Variants in PIEZO2 observed in about 807,000 individuals in gnomAD.
PIEZO2 encodes piezo type mechanosensitive ion channel component 2, also known as piezo-type mechanosensitive ion channel component 2.
A neutral mutation model predicts 337.3 loss-of-function variants in PIEZO2; 172 were observed. That is an observed-to-expected ratio of 0.51 (90% confidence interval 0.45 to 0.58). The LOEUF (loss-of-function observed/expected upper bound fraction) is 0.58, where lower values mean the gene tolerates loss of function less well. PIEZO2 is among the 20% of genes least tolerant of loss of function. The pLI is 0.00. For synonymous variants in PIEZO2, 1,251 were observed against 1,228.5 expected (o/e 1.02, Z -0.38); for missense variants, 3,028 against 3,391.3 (o/e 0.89, Z 2.66).
intron 30 of PIEZO2, among the ~76,000 whole-genome samples, chr18:10,747,722 A>G (rs538974442): frequency 6.6e-6 from 1 of 152,242 alleles, no homozygotes; most frequent in East Asian, 1.9e-4. Context: ...CATTGTGTTT[A>G]TCATGGCAGG....
rs990820516 is a variant in PIEZO2 at position 11,116,471 on chromosome 18, T to C, written c.64+32054A>G. Among the ~76,000 whole-genome samples the C allele has an allele frequency of 1.3e-5, 2 of 152,010 alleles. No homozygotes were observed. Among genetic ancestry groups the C allele is most frequent in the Non-Finnish European group, 2.9e-5 (2 of 67,994 alleles). Reference sequence around the variant, plus strand: ...GCTCACGCCTGTAAACCCAGCACTTTGGGAGGCCGAGCTGGGCGGATCACG... The same window carrying C: ...GCTCACGCCTGTAAACCCAGCACTTCGGGAGGCCGAGCTGGGCGGATCACG... On this transcript the variant is annotated intron_variant, in intron 1 of 55. Coordinates refer to ENST00000674853, the MANE Select transcript of PIEZO2 (RefSeq NM_001378183.1). This position sits in a 1 kb window ranked among gnomAD's most constrained non-coding sequence, Gnocchi z 5.0.
At chr18:10,836,281 C>A (rs1164817687) in intron 7 of PIEZO2, among the ~76,000 whole-genome samples, 2 of 152,172 alleles carry the variant, frequency 1.3e-5, no homozygotes, top group Non-Finnish European at 2.9e-5. Flanking sequence ...TCTAAGCAAA[C>A]AATCCCATCC....
chr18:11,027,712 G>GT lies in PIEZO2; in HGVS notation c.160+38414dup, dbSNP rs2036585231. 6.6e-6 allele frequency among the ~76,000 whole-genome samples: 1 copy of GT among 152,130 alleles called. No homozygotes were observed. The highest frequency in any genetic ancestry group is 1.5e-5 in the Non-Finnish European group (1 of 68,032). Reference sequence around the variant, plus strand: ...TCACAATTATGTTGTACAAATAAATGTAAAAATCATTAGCATTAACTGAAA... The same window carrying GT: ...TCACAATTATGTTGTACAAATAAATGTTAAAAATCATTAGCATTAACTGAAA... On this transcript the variant is annotated intron_variant, in intron 2 of 55. Coordinates refer to ENST00000674853, the MANE Select transcript of PIEZO2 (RefSeq NM_001378183.1). The surrounding 1 kb of genome is among the most constrained non-coding windows in gnomAD (Gnocchi z 4.2).
intron 1 of PIEZO2, among the ~76,000 whole-genome samples, chr18:11,093,806 A>G (rs1465098558): frequency 1.3e-5 from 2 of 152,126 alleles, no homozygotes; most frequent in African/African-American, 4.8e-5. Flanking sequence ...TCAGTGGGCT[A>G]AATCATGAAG....
intron 36 of PIEZO2, among the ~76,000 whole-genome samples, chr18:10,723,279 T>G (rs1424119040): frequency 1.3e-5 from 2 of 152,108 alleles, no homozygotes; most frequent in East Asian, 3.9e-4. Context: ...CAGGAGGCAG[T>G]GATTAACTGT....
In PIEZO2 at chr18:10,945,302, C is replaced by T. The variant is rs1361300250; in HGVS notation, c.287-34074G>A. Among the ~76,000 whole-genome samples the T allele has an allele frequency of 6.6e-6, 1 of 152,178 alleles. No homozygotes were observed. Among genetic ancestry groups the T allele is most frequent in the Non-Finnish European group, 1.5e-5 (1 of 68,034 alleles). The stretch of plus-strand genomic sequence containing the variant: ...TCAGGGGATCCTCCCACCTCAGCTT[C>T]CCAAAGTGCTGGGATTACAGATGTG... On this transcript the variant is annotated intron_variant, in intron 3 of 55. Coordinates refer to ENST00000674853, the MANE Select transcript of PIEZO2 (RefSeq NM_001378183.1). This position sits in a 1 kb window ranked among gnomAD's most constrained non-coding sequence, Gnocchi z 4.0.
At chr18:10,981,314 A>G (rs1207252729) in intron 2 of PIEZO2, among the ~76,000 whole-genome samples, 1 of 152,170 alleles carries the variant, frequency 6.6e-6, no homozygotes, top group East Asian at 1.9e-4. Context: ...CACATAATAG[A>G]TATGAAATCC....
In PIEZO2 at chr18:11,116,707, T is replaced by C. The variant is rs1236341388; in HGVS notation, c.64+31818A>G. ...TCCAGCCTGGGCGACAGAACGAGAC[T>C]CCGTCTCAAAAAAAACAAAGAAAAA... On this transcript the variant is annotated intron_variant, in intron 1 of 55. Coordinates refer to ENST00000674853, the MANE Select transcript of PIEZO2 (RefSeq NM_001378183.1). The surrounding 1 kb of genome is among the most constrained non-coding windows in gnomAD (Gnocchi z 5.0). Among the ~76,000 whole-genome samples the C allele has an allele frequency of 1.3e-5, 2 of 150,652 alleles. No homozygotes were observed. The highest frequency in any genetic ancestry group is 2.9e-5 in the Non-Finnish European group (2 of 67,864).
At chr18:10,909,763 G>A (rs750415006) in intron 4 of PIEZO2, among the ~76,000 whole-genome samples, 35 of 152,256 alleles carry the variant, frequency 2.3e-4, no homozygotes, top group Middle Eastern at 3.4e-3. Flanking sequence ...AGGGAAAGAC[G>A]CTTTAGAAAA....
chr18:10,969,732 A>T lies in PIEZO2; in HGVS notation c.286+9803T>A, dbSNP rs897739617. Among the ~76,000 whole-genome samples the T allele has an allele frequency of 6.6e-6, 1 of 152,020 alleles. No homozygotes were observed. Among genetic ancestry groups the T allele is most frequent in the Admixed American group, 6.5e-5 (1 of 15,272 alleles). ...TATCTGAGCAGGATTTGGGGTATGC[A>T]CCTGTAGGAGAGGAGTGAGGGGACA... On this transcript the variant is annotated intron_variant, in intron 3 of 55. Coordinates refer to ENST00000674853, the MANE Select transcript of PIEZO2 (RefSeq NM_001378183.1). This position sits in a 1 kb window ranked among gnomAD's most constrained non-coding sequence, Gnocchi z 4.5.
chr18:10,857,141 AC>A lies in PIEZO2; in HGVS notation c.562del (p.Val188LeufsTer11). On this transcript the variant is annotated frameshift_variant, in exon 6 of 56. Transcript: ENST00000674853. LOFTEE classifies it high-confidence loss of function. ...CGTGCTTTCTTCCAACTCGCCTTCAACACCATCTCCTCCATTGAAATCCTCT... is the reference window on the plus strand; with the variant it reads ...CGTGCTTTCTTCCAACTCGCCTTCAAACCATCTCCTCCATTGAAATCCTCT... Reference protein sequence around the residue: ...YEEDFNGGDGVEGELEESTKL... With the variant: ...YEEDFNGGDGXEGELEESTKL... 1 of 1,537,856 alleles carries A rather than the reference AC, an allele frequency of 6.5e-7. No homozygotes were observed. Among genetic ancestry groups the A allele is most frequent in the Non-Finnish European group, 8.7e-7 (1 of 1,147,046 alleles).
At chr18:10,811,903 C>G (rs4530202) in intron 7 of PIEZO2, among the ~76,000 whole-genome samples, 152,327 of 152,338 alleles carry the variant, frequency 1, 76,158 homozygotes, top group Middle Eastern at 1. Flanking sequence ...GTGCGATCTC[C>G]GCTCACTGCG....
chr18:10,712,263 C>T (rs1390003604), intron 39 of PIEZO2, among the ~76,000 whole-genome samples: 1 of 152,230 alleles, frequency 6.6e-6, no homozygotes, highest in Non-Finnish European at 1.5e-5. Flanking sequence ...CTTTCACAGA[C>T]TTGCCCATGC....
intron 3 of PIEZO2, among the ~76,000 whole-genome samples, chr18:10,915,245 G>C (rs1214842526): frequency 7.3e-6 from 1 of 136,084 alleles, no homozygotes; most frequent in African/African-American, 2.8e-5. Flanking sequence ...AATGGGTCAC[G>C]TGTGCAGAGG....
rs2034324008 is a variant in PIEZO2, at chr18:10,973,514, T to C, written c.286+6021A>G. 6.6e-6 allele frequency among the ~76,000 whole-genome samples: 1 copy of C among 152,248 alleles called. No homozygotes were observed. The highest frequency in any genetic ancestry group is 1.5e-5 in the Non-Finnish European group (1 of 68,042). On this transcript the variant is annotated intron_variant, in intron 3 of 55. Coordinates refer to ENST00000674853, the MANE Select transcript of PIEZO2 (RefSeq NM_001378183.1). The surrounding 1 kb of genome is among the most constrained non-coding windows in gnomAD (Gnocchi z 4.9). ...CTCCTATACATGATCAGAAGGTATA[T>C]ATATGATCCACATACTTTTCAGATA...
chr18:10,710,761 G>C (rs1402392990), intron 39 of PIEZO2, among the ~76,000 whole-genome samples: 1 of 152,172 alleles, frequency 6.6e-6, no homozygotes, highest in Admixed American at 6.5e-5. Flanking sequence ...CCTTCCCAAT[G>C]ACTTCCACTG....
At position 10,748,520 on chromosome 18, in the gene PIEZO2, A is replaced by G; in HGVS notation, c.4375T>C (p.Phe1459Leu). Reference protein sequence around the residue: ...LQRRVFMSYYFLHVVADIKAS... With the variant: ...LQRRVFMSYYLLHVVADIKAS... The stretch of plus-strand genomic sequence containing the variant: ...TTTATATCAGCCACAACATGTAGAA[A>G]ATAATAACTCATGAAAACTCTTCTT... The change falls in exon 30 of 56, where the codon TTT becomes CTT. Residue 1459 changes from phenylalanine to leucine, a missense_variant. Phe to Leu is a conservative substitution (Grantham distance 22). Transcript: ENST00000674853. The surrounding 1 kb of genome is among the most constrained non-coding windows in gnomAD (Gnocchi z 5.1). 6.5e-7 allele frequency: 1 copy of G among 1,537,112 alleles called. No homozygotes were observed. The highest frequency in any genetic ancestry group is 8.7e-7 in the Non-Finnish European group (1 of 1,146,856).
chr18:10,752,793 C>A lies in PIEZO2; in HGVS notation c.4010G>T (p.Arg1337Met). Reference protein sequence around the residue: ...LTIIFITGTTRISIFCMGYLV... With the variant: ...LTIIFITGTTMISIFCMGYLV... ...GTACCCCATGCAAAAGATGCTGATC[C>A]TGGTGGTCCCAGTGATGAAGATGAT... The change falls in exon 28 of 56, where the codon AGG becomes ATG. Residue 1337 changes from arginine to methionine, a missense_variant. By Grantham distance (91) the Arg-to-Met change is moderately conservative (BLOSUM62 -1). Coordinates refer to ENST00000674853, the MANE Select transcript of PIEZO2 (RefSeq NM_001378183.1). 6.5e-7 allele frequency: 1 copy of A among 1,537,196 alleles called. No homozygotes were observed. The highest frequency in any genetic ancestry group is 8.7e-7 in the Non-Finnish European group (1 of 1,146,906).
In PIEZO2 at chr18:10,784,557, A is replaced by T. The variant is rs2039146388; in HGVS notation, c.2492+227T>A. Reference sequence around the variant, plus strand: ...GCTACTCTGAATATCTCACAAGACGATCAAGATCACTTTACATTAACCAGT... The same window carrying T: ...GCTACTCTGAATATCTCACAAGACGTTCAAGATCACTTTACATTAACCAGT... On this transcript the variant is annotated intron_variant, in intron 17 of 55. Transcript: ENST00000674853. The surrounding 1 kb of genome is among the most constrained non-coding windows in gnomAD (Gnocchi z 4.5). 6.6e-6 allele frequency among the ~76,000 whole-genome samples: 1 copy of T among 152,236 alleles called. No individual in the cohort carries two copies. Among genetic ancestry groups the T allele is most frequent in the African/African-American group, 2.4e-5 (1 of 41,464 alleles).
Sources: allele counts gnomAD v4.1 joint callset (sites outside exome capture counted in the v4.1 genomes callset), GRCh38; gene constraint gnomAD v4.1.1; non-coding constraint Gnocchi (gnomAD v3.1); transcripts MANE v1.5; gene names NCBI Gene and HGNC (gene_info 2026-07-23, HGNC 2026-07-21).